Variants in FGGY observed in about 807,000 individuals in gnomAD.
FGGY encodes the protein FGGY carbohydrate kinase domain containing.
A neutral mutation model predicts 71.3 loss-of-function variants in FGGY; 72 were observed. The observed-to-expected ratio is 1.01, with a 90% CI of 0.84 to 1.23. The LOEUF is 1.23. Among genes scored for constraint, FGGY ranks in the 50% most tolerant of loss-of-function variants. The pLI is 0.00. For missense variants in FGGY, 668 were observed against 682.3 expected (o/e 0.98, Z 0.23); for synonymous variants, 251 against 250.3 (o/e 1.00, Z -0.02).
chr1:59,649,984 C>G (rs1338732227), intron 11 of FGGY, among the ~76,000 whole-genome samples: 8 of 147,766 alleles, frequency 5.4e-5, no homozygotes, highest in Admixed American at 5.3e-4. Context: ...TTGTCAAAGG[C>G]TTTTTCTGCA....
At chr1:59,713,700 T>C (rs184883963) in intron 14 of FGGY, among the ~76,000 whole-genome samples, 1 of 152,230 alleles carries the variant, frequency 6.6e-6, no homozygotes, top group African/African-American at 2.4e-5. Flanking sequence ...GTTGTAGATC[T>C]CCAAAAAGTT....
chr1:59,663,098 T>C (rs2097292322), intron 12 of FGGY, among the ~76,000 whole-genome samples: 1 of 152,228 alleles, frequency 6.6e-6, no homozygotes, highest in South Asian at 2.1e-4. Context: ...CAGTTACCTT[T>C]CGTCAGACAC....
At chr1:59,453,822 G>A (rs1012348437) in intron 5 of FGGY, among the ~76,000 whole-genome samples, 1 of 152,136 alleles carries the variant, frequency 6.6e-6, no homozygotes, top group African/African-American at 2.4e-5. Flanking sequence ...GAAGTCAGAG[G>A]TAAGGAATCA....
intron 5 of FGGY, among the ~76,000 whole-genome samples, chr1:59,379,190 CACA>C (rs2059070049): frequency 6.6e-6 from 1 of 150,788 alleles, no homozygotes; most frequent in Non-Finnish European, 1.5e-5. Flanking sequence ...CACACACACA[CACA>C]GAGTCACGCA....
rs2046409704 is a variant in FGGY at position 59,321,680 on chromosome 1, G to C, written c.131G>C (p.Trp44Ser). 6.2e-7 allele frequency: 1 copy of C among 1,612,972 alleles called. No individual in the cohort carries two copies. Residue 44 changes from tryptophan to serine, a missense_variant, in exon 2 of 16, where the codon TGG becomes TCG. Physicochemically the swap from Trp to Ser is radical, Grantham distance 177. Transcript: ENST00000303721. ...LAFADQPIKNWEPQFNHHEQS... is the reference protein window; with the variant it reads ...LAFADQPIKNSEPQFNHHEQS... ...TTTGCAGACCAGCCAATTAAGAATTGGGAGCCCCAGTTCAACCACCATGAG... is the reference window on the plus strand; with the variant it reads ...TTTGCAGACCAGCCAATTAAGAATTCGGAGCCCCAGTTCAACCACCATGAG...
chr1:59,374,168 A>G (rs1259543605), intron 4 of FGGY, among the ~76,000 whole-genome samples: 2 of 152,228 alleles, frequency 1.3e-5, no homozygotes, highest in African/African-American at 4.8e-5. Context: ...ACAAAGGGCT[A>G]ATATCCAGAA....
At chr1:59,713,883 T>G (rs923749131) in intron 14 of FGGY, among the ~76,000 whole-genome samples, 4 of 152,234 alleles carry the variant, frequency 2.6e-5, no homozygotes, top group African/African-American at 7.2e-5. Flanking sequence ...AGGTATATCT[T>G]TGCTTTTTGG....
intron 5 of FGGY, among the ~76,000 whole-genome samples, chr1:59,434,557 G>A (rs940594249): frequency 1.3e-5 from 2 of 152,218 alleles, no homozygotes; most frequent in Admixed American, 6.5e-5. Flanking sequence ...ATTAAAAAAT[G>A]CCATAGACTG....
chr1:59,667,827 A>T (rs1308588561), intron 13 of FGGY, among the ~76,000 whole-genome samples: 1 of 152,210 alleles, frequency 6.6e-6, no homozygotes, highest in Non-Finnish European at 1.5e-5. Context: ...CATATTAAAG[A>T]TAGTATGGCA....
intron 14 of FGGY, among the ~76,000 whole-genome samples, chr1:59,710,798 C>T (rs1177753588): frequency 1.3e-5 from 2 of 152,062 alleles, no homozygotes; most frequent in Non-Finnish European, 2.9e-5. Context: ...ACAACAGATG[C>T]TGGAGAGGAT....
chr1:59,522,946 CA>C (rs1367583258), intron 7 of FGGY, among the ~76,000 whole-genome samples: 1 of 152,232 alleles, frequency 6.6e-6, no homozygotes, highest in Non-Finnish European at 1.5e-5. Context: ...CTGATCATCT[CA>C]TCTACTACAG....
chr1:59,406,031 G>A (rs939343179), intron 5 of FGGY, among the ~76,000 whole-genome samples: 3 of 151,540 alleles, frequency 2.0e-5, no homozygotes, highest in African/African-American at 7.3e-5. Flanking sequence ...CAAAAATGTA[G>A]TGAAACAAAA....
At chr1:59,433,172 T>A (rs2067735343) in intron 5 of FGGY, among the ~76,000 whole-genome samples, 1 of 152,210 alleles carries the variant, frequency 6.6e-6, no homozygotes, top group Non-Finnish European at 1.5e-5. Flanking sequence ...TGTCCCATTG[T>A]GCATGACAGG....
At chr1:59,572,578 C>T (rs1217726653) in intron 8 of FGGY, among the ~76,000 whole-genome samples, 1 of 152,040 alleles carries the variant, frequency 6.6e-6, no homozygotes, top group Admixed American at 6.6e-5. Context: ...CTGAGTGGTA[C>T]TAGGATACTA....
intron 14 of FGGY, among the ~76,000 whole-genome samples, chr1:59,693,435 G>A (rs954546772): frequency 5.9e-5 from 9 of 152,246 alleles, no homozygotes; most frequent in Admixed American, 1.3e-4. Context: ...TCATAAGGTC[G>A]TTGTGATGAT....
intron 6 of FGGY, among the ~76,000 whole-genome samples, chr1:59,488,853 G>A (rs1033415239): frequency 1.3e-5 from 2 of 151,850 alleles, no homozygotes; most frequent in African/African-American, 4.8e-5. Context: ...AATTTTTAAG[G>A]CTCTTGGTGT....
At chr1:59,401,085 T>C (rs1306046264) in intron 5 of FGGY, among the ~76,000 whole-genome samples, 1 of 152,146 alleles carries the variant, frequency 6.6e-6, no homozygotes, top group Non-Finnish European at 1.5e-5. Context: ...TCAAAAAATA[T>C]ACAATGTTCT....
chr1:59,552,397 T>G (rs2095621497), intron 7 of FGGY, among the ~76,000 whole-genome samples: 1 of 152,226 alleles, frequency 6.6e-6, no homozygotes, highest in South Asian at 2.1e-4. Context: ...ACAGAAAGTT[T>G]GGAAGAGTCT....
chr1:59,422,319 G>A (rs2065581017), intron 5 of FGGY, among the ~76,000 whole-genome samples: 1 of 152,178 alleles, frequency 6.6e-6, no homozygotes, highest in Non-Finnish European at 1.5e-5. Context: ...AGCAGATTGA[G>A]GTTGTATTTC....
Sources: gnomAD v4.1 joint callset for allele counts (sites outside exome capture counted in the v4.1 genomes callset) on GRCh38, gnomAD v4.1.1 for gene constraint, MANE v1.5 for transcripts, NCBI Gene and HGNC (gene_info 2026-07-23, HGNC 2026-07-21) for gene names.